Variants in NSUN6 observed in about 807,000 individuals in gnomAD.
The protein encoded by NSUN6 is NOP2/Sun RNA methyltransferase 6.
Under a neutral mutation model 58.0 loss-of-function variants are expected in NSUN6, and 64 were observed. That is an observed-to-expected ratio of 1.10 (90% CI 0.90 to 1.36). The LOEUF (loss-of-function observed/expected upper bound fraction) is 1.36. Among genes scored for constraint, NSUN6 ranks in the 40% most tolerant of loss-of-function variants. The pLI, the probability that NSUN6 is intolerant of heterozygous loss-of-function variation, is 0.00. For synonymous variants in NSUN6, 231 were observed against 193.9 expected (o/e 1.19, Z -1.59); for missense variants, 701 against 550.1 (o/e 1.27, Z -2.74).
intron 8 of NSUN6, among the ~76,000 whole-genome samples, chr10:18,581,441 G>A (rs1271213401): frequency 6.6e-6 from 1 of 152,114 alleles, no homozygotes; most frequent in Admixed American, 6.6e-5. Flanking sequence ...AAATGACATG[G>A]CAGCATCAGG....
At chr10:18,559,752 G>A (rs143379322) in intron 8 of NSUN6, among the ~76,000 whole-genome samples, 157 of 151,190 alleles carry the variant, frequency 1.0e-3, no homozygotes, top group South Asian at 6.7e-3. Flanking sequence ...ACAATGGAGT[G>A]GAGAATGGAA....
intron 2 of NSUN6, among the ~76,000 whole-genome samples, chr10:18,647,287 G>A (rs2059572847): frequency 6.6e-6 from 1 of 152,128 alleles, no homozygotes; most frequent in Admixed American, 6.6e-5. Flanking sequence ...TTTAATCATG[G>A]TTGCCTCTCG....
chr10:18,573,722 A>G (rs1049225080), intron 8 of NSUN6, among the ~76,000 whole-genome samples: 1 of 152,138 alleles, frequency 6.6e-6, no homozygotes, highest in Non-Finnish European at 1.5e-5. Context: ...ACGAGTCTCA[A>G]AAAGAAAGCT....
chr10:18,625,776 A>T (rs2058778505), intron 3 of NSUN6, among the ~76,000 whole-genome samples: 2 of 151,350 alleles, frequency 1.3e-5, no homozygotes, highest in South Asian at 4.2e-4. Flanking sequence ...AAATAATCAA[A>T]ATCAAGCATT....
At chr10:18,573,261 C>T (rs985791369) in intron 8 of NSUN6, among the ~76,000 whole-genome samples, 4 of 151,368 alleles carry the variant, frequency 2.6e-5, no homozygotes, top group Non-Finnish European at 5.9e-5. Context: ...TTTCCATTGT[C>T]CATTGCATTC....
At chr10:18,621,837 C>T (rs1308818669) in intron 3 of NSUN6, among the ~76,000 whole-genome samples, 1 of 152,052 alleles carries the variant, frequency 6.6e-6, no homozygotes, top group Non-Finnish European at 1.5e-5. Context: ...TATTCACAAC[C>T]CTACACATAC....
At chr10:18,609,435 A>G (rs1422762715) in intron 6 of NSUN6, among the ~76,000 whole-genome samples, 3 of 152,124 alleles carry the variant, frequency 2.0e-5, no homozygotes, top group Admixed American at 2.0e-4. Context: ...CAAGAGTCCT[A>G]ACAGATCTGT....
upstream of NSUN6, chr10:18,654,996 ATTTC>A: frequency 1.2e-6 from 1 of 864,550 alleles, no homozygotes; most frequent in Non-Finnish European, 1.4e-6. Context: ...GTTCATCTTT[ATTTC>A]TAGAAATAAT....
At chr10:18,569,162 C>T (rs2056183632) in intron 8 of NSUN6, among the ~76,000 whole-genome samples, 1 of 150,908 alleles carries the variant, frequency 6.6e-6, no homozygotes, top group Admixed American at 6.6e-5. Context: ...TTCTCCATTC[C>T]ATTCTCTATT....
chr10:18,577,987 T>C (rs2131040553), intron 8 of NSUN6, among the ~76,000 whole-genome samples: 1 of 152,364 alleles, frequency 6.6e-6, no homozygotes, highest in Non-Finnish European at 1.5e-5. Context: ...AGTGTGAGCT[T>C]ACCATTGCTC....
chr10:18,622,169 G>A (rs575260655), intron 3 of NSUN6, among the ~76,000 whole-genome samples: 42 of 152,262 alleles, frequency 2.8e-4, no homozygotes, highest in African/African-American at 9.9e-4. Context: ...GGTATTTGGA[G>A]AAGTCTTCAG....
chr10:18,622,315 C>T (rs780114060), intron 3 of NSUN6, among the ~76,000 whole-genome samples: 2 of 152,164 alleles, frequency 1.3e-5, no homozygotes, highest in Non-Finnish European at 2.9e-5. Context: ...GAAGAGGGCA[C>T]TCACCAGAAC....
At chr10:18,601,598 C>A (rs2057841415) in intron 6 of NSUN6, among the ~76,000 whole-genome samples, 1 of 152,160 alleles carries the variant, frequency 6.6e-6, no homozygotes, top group Admixed American at 6.5e-5. Context: ...AGGTTCCCTA[C>A]ATTGCTGCTG....
intron 6 of NSUN6, among the ~76,000 whole-genome samples, chr10:18,604,180 T>C (rs772021994): frequency 2.0e-5 from 3 of 152,046 alleles, no homozygotes; most frequent in Non-Finnish European, 2.9e-5. Flanking sequence ...AGCCTCCATA[T>C]CAAAAAGCAT....
At chr10:18,644,466 G>A (rs1034028786) in intron 2 of NSUN6, among the ~76,000 whole-genome samples, 2 of 150,164 alleles carry the variant, frequency 1.3e-5, no homozygotes, top group Non-Finnish European at 3.0e-5. Flanking sequence ...TAGTTACCCT[G>A]AACACATTAT....
chr10:18,611,669 A>G (rs574311119), intron 5 of NSUN6, among the ~76,000 whole-genome samples: 11 of 152,106 alleles, frequency 7.2e-5, no homozygotes, highest in African/African-American at 2.7e-4. Context: ...AGCTGCGACT[A>G]CAGGCACACA....
At chr10:18,621,405 G>T (rs1436405933) in intron 3 of NSUN6, among the ~76,000 whole-genome samples, 1 of 152,154 alleles carries the variant, frequency 6.6e-6, no homozygotes, top group East Asian at 1.9e-4. Context: ...TCCTCTTAGA[G>T]AATCACAGAA....
chr10:18,565,588 C>T (rs62648430), intron 8 of NSUN6, among the ~76,000 whole-genome samples: 60,061 of 150,828 alleles, frequency 0.4, 12,607 homozygotes, highest in East Asian at 0.74. Context: ...CCATTCAGCA[C>T]TCTATTCCAT....
chr10:18,653,172 T>C (rs2059738386), upstream of NSUN6: 1 of 984,634 alleles, frequency 1.0e-6, no homozygotes, highest in Admixed American at 6.2e-5. Flanking sequence ...TGAACTACAT[T>C]TTAAACTCCA....
Sources: allele counts gnomAD v4.1 joint callset (sites outside exome capture counted in the v4.1 genomes callset), GRCh38; gene constraint gnomAD v4.1.1; transcripts MANE v1.5; gene names NCBI Gene and HGNC (gene_info 2026-07-23, HGNC 2026-07-21).